The following LRRC4C variants were observed in gnomAD, a reference collection of about 807,000 sequenced individuals.
The protein encoded by LRRC4C is leucine-rich repeat-containing protein 4C.
Under a neutral mutation model 33.6 loss-of-function variants are expected in LRRC4C, and 5 were observed. The observed-to-expected ratio is 0.15, with a 90% CI of 0.08 to 0.31. The LOEUF (loss-of-function observed/expected upper bound fraction) is 0.31. Among genes scored for constraint, LRRC4C ranks in the 10% least tolerant of loss-of-function variants. The pLI is 1.00. For missense variants in LRRC4C, 560 were observed against 796.7 expected (o/e 0.70, Z 3.58); for synonymous variants, 329 against 302.0 (o/e 1.09, Z -0.93).
intron 5 of LRRC4C, among the ~76,000 whole-genome samples, chr11:40,233,192 T>C (rs1255151104): frequency 1.3e-5 from 2 of 152,212 alleles, no homozygotes; most frequent in Non-Finnish European, 2.9e-5. Flanking sequence ...ACTCATTTTA[T>C]AGATTTCCAC....
chr11:41,034,632 T>C (rs1856949450), intron 1 of LRRC4C, among the ~76,000 whole-genome samples: 1 of 128,376 alleles, frequency 7.8e-6, no homozygotes, highest in African/African-American at 2.7e-5. Context: ...TATATATATA[T>C]ATATATGAGG....
At chr11:40,201,123 C>T (rs1051341455) in intron 5 of LRRC4C, among the ~76,000 whole-genome samples, 4 of 152,154 alleles carry the variant, frequency 2.6e-5, no homozygotes, top group African/African-American at 7.2e-5. Context: ...TCCAGTCATG[C>T]AAAAGTGTAT....
intron 1 of LRRC4C, among the ~76,000 whole-genome samples, chr11:40,970,154 G>A (rs1419795758): frequency 6.6e-6 from 1 of 152,122 alleles, no homozygotes; most frequent in Non-Finnish European, 1.5e-5. Context: ...GAGCCTTCTA[G>A]CGAACCTCAA....
At chr11:41,180,872 C>G (rs559908491) in intron 1 of LRRC4C, among the ~76,000 whole-genome samples, 1 of 151,736 alleles carries the variant, frequency 6.6e-6, no homozygotes, top group Non-Finnish European at 1.5e-5. Flanking sequence ...CAAAATGACA[C>G]AGAAATCAAC....
chr11:40,306,010 G>A (rs1249249113), intron 4 of LRRC4C, among the ~76,000 whole-genome samples: 3 of 152,124 alleles, frequency 2.0e-5, no homozygotes, highest in Non-Finnish European at 4.4e-5. Flanking sequence ...TAATAATGTA[G>A]CAAATGTGAC....
intron 1 of LRRC4C, among the ~76,000 whole-genome samples, chr11:41,374,821 A>G (rs1429709274): frequency 1.3e-5 from 2 of 152,132 alleles, no homozygotes; most frequent in African/African-American, 4.8e-5. Flanking sequence ...GTAAAAATGT[A>G]TATATGTAAC....
At chr11:40,117,522 A>C (rs1855519956) in intron 6 of LRRC4C, among the ~76,000 whole-genome samples, 1 of 152,140 alleles carries the variant, frequency 6.6e-6, no homozygotes, top group African/African-American at 2.4e-5. Flanking sequence ...TGGGAAGGAA[A>C]ATAACTCATC....
intron 3 of LRRC4C, among the ~76,000 whole-genome samples, chr11:40,642,418 ATG>A (rs1382977917): frequency 1.3e-5 from 2 of 152,300 alleles, no homozygotes; most frequent in Non-Finnish European, 2.9e-5. Context: ...CATCAGCTGA[ATG>A]TGATCTCTCT....
intron 1 of LRRC4C, among the ~76,000 whole-genome samples, chr11:41,167,097 T>C (rs1023510098): frequency 5.9e-5 from 9 of 152,166 alleles, no homozygotes; most frequent in African/African-American, 2.2e-4. Context: ...CTCAGACAGA[T>C]AGGTAGAAAT....
chr11:40,543,604 G>A (rs867458522), intron 3 of LRRC4C, among the ~76,000 whole-genome samples: 13 of 152,122 alleles, frequency 8.5e-5, no homozygotes, highest in South Asian at 2.1e-4. Context: ...GGCAAACAAG[G>A]ATAAAATTGA....
chr11:41,396,464 A>G (rs1446793194), intron 1 of LRRC4C, among the ~76,000 whole-genome samples: 1 of 151,730 alleles, frequency 6.6e-6, no homozygotes, highest in Non-Finnish European at 1.5e-5. Flanking sequence ...TTTTTCTTTT[A>G]TAGTTATTGT....
chr11:40,237,229 G>A (rs1208739839), intron 5 of LRRC4C, among the ~76,000 whole-genome samples: 2 of 152,206 alleles, frequency 1.3e-5, no homozygotes, highest in African/African-American at 4.8e-5. Context: ...CTAGTTGGAA[G>A]GGAGTGGATC....
intron 1 of LRRC4C, among the ~76,000 whole-genome samples, chr11:41,230,639 T>C (rs1947745244): frequency 6.6e-6 from 1 of 151,656 alleles, no homozygotes; most frequent in Non-Finnish European, 1.5e-5. Context: ...GTGTTTTCCT[T>C]CTCTTTCTAA....
intron 1 of LRRC4C, among the ~76,000 whole-genome samples, chr11:41,219,496 AAGTCC>A (rs1186477496): frequency 6.6e-6 from 1 of 152,258 alleles, no homozygotes; most frequent in Non-Finnish European, 1.5e-5. Context: ...CACATTCTTG[AAGTCC>A]AGTCAAGTGT....
At chr11:40,916,217 A>G (rs1217254670) in intron 2 of LRRC4C, among the ~76,000 whole-genome samples, 1 of 152,220 alleles carries the variant, frequency 6.6e-6, no homozygotes, top group East Asian at 1.9e-4. Context: ...AAAGGATTAT[A>G]AATCATGCCA....
intron 1 of LRRC4C, among the ~76,000 whole-genome samples, chr11:41,169,335 A>T (rs542896290): frequency 6.6e-6 from 1 of 152,294 alleles, no homozygotes; most frequent in African/African-American, 2.4e-5. Flanking sequence ...AAAATATTTC[A>T]TGATTATTAA....
intron 1 of LRRC4C, among the ~76,000 whole-genome samples, chr11:41,018,643 G>A (rs1022475124): frequency 2.0e-5 from 3 of 152,036 alleles, no homozygotes; most frequent in Non-Finnish European, 4.4e-5. Context: ...CTCTACAAAG[G>A]CACTCCTTTG....
chr11:40,439,298 AAAG>A (rs1308544696), intron 3 of LRRC4C, among the ~76,000 whole-genome samples: 1 of 151,872 alleles, frequency 6.6e-6, no homozygotes, highest in Non-Finnish European at 1.5e-5. Flanking sequence ...TAGAAATAAC[AAAG>A]TAGTTAGGAA....
intron 2 of LRRC4C, among the ~76,000 whole-genome samples, chr11:40,863,716 C>T (rs919104789): frequency 3.3e-5 from 5 of 152,106 alleles, no homozygotes; most frequent in African/African-American, 1.2e-4. Flanking sequence ...ACTCAGATAC[C>T]AGCAGAGATG....
Sources: gnomAD v4.1 joint callset for allele counts (sites outside exome capture counted in the v4.1 genomes callset) on GRCh38, gnomAD v4.1.1 for gene constraint, MANE v1.5 for transcripts, NCBI Gene and HGNC (gene_info 2026-07-23, HGNC 2026-07-21) for gene names.